CCNY: variants seen among roughly 807,000 people sequenced by gnomAD.
The protein encoded by CCNY is cyclin-Y.
In CCNY, 19 loss-of-function variants were observed where a neutral mutation model predicts 42.8. The ratio of observed to expected loss-of-function variants is 0.44; its 90% CI spans 0.31 to 0.65. CCNY has a LOEUF of 0.65. CCNY is among the 30% of genes least tolerant of loss of function. CCNY has a pLI of 0.07. For synonymous variants in CCNY, 165 were observed against 162.7 expected, an observed-to-expected ratio of 1.01 and a Z score of -0.11; for missense variants, 370 against 437.3, an observed-to-expected ratio of 0.85 and a Z score of 1.37.
intron 1 of CCNY, among the ~76,000 whole-genome samples, chr10:35,421,818 T>C (rs571384048): frequency 1.3e-5 from 2 of 152,218 alleles, no homozygotes; most frequent in Non-Finnish European, 2.9e-5. Flanking sequence ...TCATTCTGCT[T>C]TCTCTTCAGA....
At chr10:35,554,465 T>C (rs1020419415) in intron 8 of CCNY, among the ~76,000 whole-genome samples, 1 of 152,206 alleles carries the variant, frequency 6.6e-6, no homozygotes, top group Non-Finnish European at 1.5e-5. Flanking sequence ...TATTTCATGG[T>C]GAAAACAGCT....
Position 35,357,421 on chromosome 10 carries a change from T to C in CCNY, c.154+20214T>C, listed in dbSNP as rs1836582892. Among the ~76,000 whole-genome samples the C allele has an allele frequency of 2.0e-5, 3 of 152,216 alleles. No individual in the cohort carries two copies. The South Asian group carries it at 6.2e-4, about 32-fold the overall frequency. On this transcript the variant is annotated intron_variant, in intron 1 of 9. Transcript: ENST00000374704. Reference sequence around the variant, plus strand: ...CAGGAAATACTCGAATGAATAGAAGTGCTGCATTCATTTAACACATAGCAA... The same window carrying C: ...CAGGAAATACTCGAATGAATAGAAGCGCTGCATTCATTTAACACATAGCAA...
intron 3 of CCNY, among the ~76,000 whole-genome samples, chr10:35,262,306 G>A (rs1185773110): frequency 5.5e-5 from 7 of 128,258 alleles, no homozygotes; most frequent in African/African-American, 8.4e-5. Flanking sequence ...GTGTCACACA[G>A]AAGGTCAACA....
At chr10:35,422,694 T>G (rs780049176) in intron 1 of CCNY, among the ~76,000 whole-genome samples, 20 of 152,342 alleles carry the variant, frequency 1.3e-4, no homozygotes, top group Non-Finnish European at 2.8e-4. Flanking sequence ...CATTAGAGAT[T>G]TATTTATTTA....
chr10:35,513,481 A>ATT (rs1840363306), intron 3 of CCNY, among the ~76,000 whole-genome samples: 1 of 152,204 alleles, frequency 6.6e-6, no homozygotes, highest in Admixed American at 6.5e-5. Flanking sequence ...CATAAAGAAC[A>ATT]TCCCTGTTGC....
At chr10:35,486,899 C>T (rs1839799535) in intron 2 of CCNY, among the ~76,000 whole-genome samples, 1 of 152,194 alleles carries the variant, frequency 6.6e-6, no homozygotes, top group Non-Finnish European at 1.5e-5. Flanking sequence ...TTCTTTGATC[C>T]CTCAGCCTGG....
At chr10:35,464,939 A>T (rs1234817392) in intron 1 of CCNY, among the ~76,000 whole-genome samples, 1 of 152,188 alleles carries the variant, frequency 6.6e-6, no homozygotes, top group African/African-American at 2.4e-5. Flanking sequence ...TAGTTAAAAG[A>T]CCTAGTCATT....
chr10:35,401,608 C>G (rs936435726), intron 1 of CCNY, among the ~76,000 whole-genome samples: 1 of 145,752 alleles, frequency 6.9e-6, no homozygotes, highest in Non-Finnish European at 1.5e-5. Flanking sequence ...TAGTAATTGT[C>G]TCATGTGTGC....
intron 2 of CCNY, among the ~76,000 whole-genome samples, chr10:35,485,248 G>A (rs911975311): frequency 6.6e-6 from 1 of 152,232 alleles, no homozygotes; most frequent in African/African-American, 2.4e-5. Context: ...TAGCAGTAGA[G>A]TGACCTAAGG....
chr10:35,353,399 G>T (rs1296007923), intron 1 of CCNY, among the ~76,000 whole-genome samples: 1 of 152,202 alleles, frequency 6.6e-6, no homozygotes, highest in South Asian at 2.1e-4. Flanking sequence ...CTAGATTCTG[G>T]AGAATGATCA....
intron 1 of CCNY, among the ~76,000 whole-genome samples, chr10:35,444,338 C>G (rs186221038): frequency 3.3e-5 from 5 of 151,922 alleles, no homozygotes; most frequent in Admixed American, 2.0e-4. Context: ...ACCTCTGCCC[C>G]CCGGGTTCAA....
chr10:35,532,243 C>T (rs1257440359), intron 7 of CCNY, among the ~76,000 whole-genome samples: 1 of 152,210 alleles, frequency 6.6e-6, no homozygotes, highest in Admixed American at 6.5e-5. Context: ...CTTCCCTCCT[C>T]GTGTTCCCTA....
chr10:35,387,330 C>T (rs2504372), intron 1 of CCNY, among the ~76,000 whole-genome samples: 8,045 of 152,206 alleles, frequency 0.053, 309 homozygotes, highest in African/African-American at 0.11. Context: ...CATAAGAATG[C>T]CTGGTGATGA....
At chr10:35,314,677 C>T (rs1040611646) in intron 3 of CCNY, 8 of 152,174 alleles carry the variant, frequency 5.3e-5, no homozygotes, top group East Asian at 1.9e-4. Context: ...AAATGTCCTG[C>T]GTCCTCTCCT....
At chr10:35,518,559 A>C (rs931274449) in intron 4 of CCNY, among the ~76,000 whole-genome samples, 2 of 123,956 alleles carry the variant, frequency 1.6e-5, no homozygotes, top group South Asian at 5.5e-4. Context: ...TTTTTAACAG[A>C]TCTTGATTGA....
At chr10:35,409,582 GAA>G (rs1837859047) in intron 1 of CCNY, among the ~76,000 whole-genome samples, 1 of 152,074 alleles carries the variant, frequency 6.6e-6, no homozygotes, top group Non-Finnish European at 1.5e-5. Flanking sequence ...AGAGGGAAAA[GAA>G]AAATGCAATT....
chr10:35,491,088 G>C (rs1282238878), intron 2 of CCNY, among the ~76,000 whole-genome samples: 1 of 152,146 alleles, frequency 6.6e-6, no homozygotes, highest in Non-Finnish European at 1.5e-5. Flanking sequence ...TGAGTGTGCA[G>C]ACAGGTCCAT....
intron 1 of CCNY, among the ~76,000 whole-genome samples, chr10:35,356,488 G>A (rs570207198): frequency 2.0e-5 from 3 of 152,134 alleles, no homozygotes; most frequent in Middle Eastern, 3.2e-3. Context: ...GTGTTGTAGC[G>A]CATGTTTGAG....
At chr10:35,249,091 C>T (rs150792495) in intron 2 of CCNY, among the ~76,000 whole-genome samples, 4 of 152,140 alleles carry the variant, frequency 2.6e-5, no homozygotes, top group East Asian at 1.9e-4. Context: ...TGCCACCACT[C>T]CTGGCTAATT....
Sources: gnomAD v4.1 joint callset for allele counts (sites outside exome capture counted in the v4.1 genomes callset) on GRCh38, gnomAD v4.1.1 for gene constraint, MANE v1.5 for transcripts, NCBI Gene and HGNC (gene_info 2026-07-23, HGNC 2026-07-21) for gene names.